The following PPP1R3F variants were observed in gnomAD, a reference collection of about 807,000 sequenced individuals.
The protein encoded by PPP1R3F is protein phosphatase 1, regulatory (inhibitor) subunit 3F.
Under a neutral mutation model 24.2 loss-of-function variants are expected in PPP1R3F, and 29 were observed. The ratio of observed to expected loss-of-function variants is 1.20; its 90% confidence interval spans 0.89 to 1.63. PPP1R3F has a LOEUF of 1.63. Ranked by LOEUF, PPP1R3F falls within the 40% of genes most tolerant of loss-of-function variation. PPP1R3F has a pLI of 0.00. For synonymous variants in PPP1R3F, 363 were observed against 340.1 expected (o/e 1.07, Z -0.74); for missense variants, 823 against 729.3 (o/e 1.13, Z -1.48).
rs1241792142 is a variant in PPP1R3F at position 49,286,772 on chromosome X, C to G, written c.2082C>G (p.Ala694=). ...SLDPISGKEP[A]SPVLLQGQNP... ...ATCCCATATCTGGCAAGGAGCCAGC[C>G]TCTCCCGTCCTTCTGCAGGGGCAAA... Residue 694 remains alanine, a synonymous_variant, in exon 4 of 4, where the codon GCC becomes GCG. Transcript: ENST00000055335. The G allele has an allele frequency of 2.5e-6, 3 of 1,200,510 alleles. No individual in the cohort carries two copies. The highest frequency in any genetic ancestry group is 3.4e-6 in the Non-Finnish European group (3 of 889,733).
chrX:49,269,946 C>A lies in PPP1R3F; in HGVS notation c.77C>A (p.Thr26Asn). The change falls in exon 1 of 4, where the codon ACC (threonine) becomes AAC (asparagine). Residue 26 changes from threonine (T) to asparagine (N), a missense_variant. Physicochemically the swap from Thr to Asn is moderately conservative, Grantham distance 65. Transcript: ENST00000055335. Reference protein sequence around the residue: ...PPSPAAGEPRTSVEAAVAPRR... With the variant: ...PPSPAAGEPRNSVEAAVAPRR... ...TCGCCGGCCGCGGGTGAGCCCCGCA[C>A]CTCGGTCGAGGCGGCGGTGGCCCCG... 1.1e-6 allele frequency: 1 copy of A among 906,929 alleles called. No homozygotes were observed. The highest frequency in any genetic ancestry group is 5.8e-5 in the South Asian group (1 of 17,316). 74.7% of individuals were successfully genotyped at this position (906,929 alleles called of 1,213,427 possible).
At chrX:49,277,208 C>T (rs782085643) in intron 1 of PPP1R3F, among the ~76,000 whole-genome samples, 8 of 112,896 alleles carry the variant, frequency 7.1e-5, no homozygotes, top group Middle Eastern at 4.6e-3. Flanking sequence ...TGGCCTAGGC[C>T]GGGGCCAACA....
chrX:49,271,184 TAGGGACAA>T lies in PPP1R3F; in HGVS notation c.1004+314_1004+321del, dbSNP rs2066177887. 9.9e-5 allele frequency among the ~76,000 whole-genome samples: 11 copies of T among 111,103 alleles called. No individual in the cohort carries two copies. In the South Asian group the frequency reaches 4.2e-3, roughly 42 times the overall value. On this transcript the variant is annotated intron_variant, in intron 1 of 3. Transcript: ENST00000055335. ...CAAGCAAGCAAGCAGATAGGATAAA[TAGGGACAA>T]AGTTAGCTGCTGAAGGGAGTAAGGG... is the stretch of plus-strand genomic sequence containing the variant.
chrX:49,287,003 C>G lies in PPP1R3F; in HGVS notation c.2313C>G (p.Ala771=). ...TGACCCAGACTCTGGGGGTCCTGGC[C>G]GGGCTAGTGGTGGTCCCTGTGGCTC... is the stretch of plus-strand genomic sequence containing the variant. The part of the protein sequence containing the change: ...GPLTQTLGVL[A]GLVVVPVALN... Residue 771 remains alanine, a synonymous_variant, in exon 4 of 4, where the codon GCC becomes GCG. Transcript: ENST00000055335. 8.3e-7 allele frequency: 1 copy of G among 1,211,780 alleles called. No homozygotes were observed. Among genetic ancestry groups the G allele is most frequent in the South Asian group, 1.8e-5 (1 of 56,992 alleles).
chrX:49,270,117 A>G lies in PPP1R3F; in HGVS notation c.248A>G (p.Asp83Gly), dbSNP rs2066162709. 1 of 1,040,037 alleles carries G rather than the reference A, an allele frequency of 9.6e-7. No individual in the cohort carries two copies. Among genetic ancestry groups the G allele is most frequent in the Non-Finnish European group, 1.2e-6 (1 of 815,278 alleles). 85.7% of individuals were successfully genotyped at this position (1,040,037 alleles called of 1,213,427 possible). A position where few individuals can be genotyped will look rare whatever the true frequency, so the allele number is the denominator to read the frequency against. ...GGCGGCGGCGGGGCCGACGAGGACG[A>G]CGATGGCGAGGATGGGGATGAAGGG... ...GGGGGGADED[D>G]DGEDGDEGEE... Residue 83 changes from aspartate (D) to glycine (G), a missense_variant, in exon 1 of 4, where the codon GAC (aspartate) becomes GGC (glycine). By Grantham distance (94) the Asp-to-Gly change is moderately conservative. Coordinates refer to ENST00000055335, the MANE Select transcript of PPP1R3F (RefSeq NM_033215.5).
In PPP1R3F at chrX:49,286,270, G is replaced by A. The variant is rs1557121498; in HGVS notation, c.1580G>A (p.Gly527Asp). Reference protein sequence around the residue: ...DGGMSPSHPLGILTDRDLILK... With the variant: ...DGGMSPSHPLDILTDRDLILK... ...GGGATGTCCCCCAGCCATCCCCTGGGCATACTGACGGACCGCGACCTGATC... is the reference window on the plus strand; with the variant it reads ...GGGATGTCCCCCAGCCATCCCCTGGACATACTGACGGACCGCGACCTGATC... The change falls in exon 4 of 4, where the codon GGC (glycine) becomes GAC (aspartate). Residue 527 changes from glycine (G) to aspartate (D), a missense_variant. By Grantham distance (94) the Gly-to-Asp change is moderately conservative. Coordinates refer to ENST00000055335, the MANE Select transcript of PPP1R3F (RefSeq NM_033215.5). 8.3e-7 allele frequency: 1 copy of A among 1,210,839 alleles called. No homozygotes were observed.
chrX:49,286,838 C>T lies in PPP1R3F; in HGVS notation c.2148C>T (p.Leu716=). 1 of 1,198,507 alleles carries T rather than the reference C, an allele frequency of 8.3e-7. No homozygotes were observed. The highest frequency in any genetic ancestry group is 1.1e-6 in the Non-Finnish European group (1 of 887,975). The part of the protein sequence containing the change: ...LLSPLGAEVC[L]SSVARPHVSS... ...GTCCCTTGGGGGCCGAAGTCTGTCT[C>T]TCTAGTGTAGCCAGGCCTCATGTGA... Residue 716 remains leucine (L), a synonymous_variant, in exon 4 of 4, where the codon CTC becomes CTT. Transcript: ENST00000055335.
chrX:49,285,765 T>G (rs2066277463), intron 3 of PPP1R3F, 69 bp from the exon 4 acceptor site: 3 of 1,039,783 alleles, frequency 2.9e-6, no homozygotes, highest in Non-Finnish European at 3.8e-6. Flanking sequence ...TGTCTCTGCT[T>G]GTTCCATCCC....
At chrX:49,300,998 A>T (rs2066335870) in intron 3 of PPP1R3F, among the ~76,000 whole-genome samples, 1 of 112,455 alleles carries the variant, frequency 8.9e-6, no homozygotes, top group Non-Finnish European at 1.9e-5. Context: ...ATTTTGAGAC[A>T]TGAGTTGATA....
chrX:49,287,062 T>C lies in PPP1R3F; in HGVS notation c.2372T>C (p.Leu791Pro). 1 of 1,211,369 alleles carries C rather than the reference T, an allele frequency of 8.3e-7. No individual in the cohort carries two copies. The highest frequency in any genetic ancestry group is 1.1e-6 in the Non-Finnish European group (1 of 895,618). Residue 791 changes from leucine (L) to proline (P), a missense_variant, in exon 4 of 4, where the codon CTG becomes CCG. By Grantham distance (98) the Leu-to-Pro change is moderately conservative. Transcript: ENST00000055335. ...GGTGTGTCCCTCCTGGTGCTTGCGCTGTGCCTCTCTCTGGCTTGGTTCTCA... is the reference window on the plus strand; with the variant it reads ...GGTGTGTCCCTCCTGGTGCTTGCGCCGTGCCTCTCTCTGGCTTGGTTCTCA... ...NSGVSLLVLA[L>P]CLSLAWFS
chrX:49,287,147 G>A lies in PPP1R3F; in HGVS notation c.*57G>A. 8.9e-7 allele frequency: 1 copy of A among 1,121,998 alleles called. No individual in the cohort carries two copies. Among genetic ancestry groups the A allele is most frequent in the Admixed American group, 2.3e-5 (1 of 42,982 alleles). The allele number at this position is 1,121,998 out of a possible 1,213,427, so 92.5% of individuals were successfully genotyped here. On this transcript the variant is annotated 3_prime_UTR_variant, in exon 4 of 4. Coordinates refer to ENST00000055335, the MANE Select transcript of PPP1R3F (RefSeq NM_033215.5). ...ATGGGATACATGGCCTGTGCAGTGA[G>A]GGGACCTGGGTCCTTTGCTTCTGAG... is the stretch of plus-strand genomic sequence containing the variant.
At position 49,286,142 on chromosome X, in the gene PPP1R3F, C is replaced by T. The variant is rs376062497; in HGVS notation, c.1452C>T (p.Ile484=). 3.5e-5 allele frequency: 41 copies of T among 1,176,281 alleles called. No individual in the cohort carries two copies. The highest frequency in any genetic ancestry group is 1.6e-4 in the African/African-American group (9 of 56,488). Residue 484 remains isoleucine (I), a synonymous_variant, in exon 4 of 4, where the codon ATC becomes ATT. Transcript: ENST00000055335. ...AGGAGCTGCTCGGTGAGGACACCAT[C>T]GACCAGGAGCTGGAGCAGCTCTACC... ...GSEELLGEDT[I]DQELEQLYLS... is the part of the protein sequence containing the mutation.
chrX:49,276,682 AGAAT>A (rs2066215439), intron 1 of PPP1R3F, among the ~76,000 whole-genome samples: 1 of 111,905 alleles, frequency 8.9e-6, no homozygotes, highest in Admixed American at 9.4e-5. Context: ...TCGTGGCCAA[AGAAT>A]GAAGTCATGG....
chrX:49,295,342 C>T (rs1428779165), intron 3 of PPP1R3F, among the ~76,000 whole-genome samples: 1 of 110,688 alleles, frequency 9.0e-6, no homozygotes, highest in Non-Finnish European at 1.9e-5. Flanking sequence ...TGGGGTTTCC[C>T]CATGTTGGCC....
In PPP1R3F at chrX:49,287,652, G is replaced by C. The variant is rs41513244; in HGVS notation, c.*562G>C. ...CTTCAACATGTCTTTCCTTGAAGATGTGTGTCTCCTCGTCTCGTGGTCCTA... is the reference window on the plus strand; with the variant it reads ...CTTCAACATGTCTTTCCTTGAAGATCTGTGTCTCCTCGTCTCGTGGTCCTA... On this transcript the variant is annotated 3_prime_UTR_variant, in exon 4 of 4. Coordinates refer to ENST00000055335, the MANE Select transcript of PPP1R3F (RefSeq NM_033215.5). 8,464 of 111,364 alleles carry C rather than the reference G, an allele frequency of 0.076. 838 individuals are homozygous for C. The highest frequency in any genetic ancestry group is 0.27 in the African/African-American group (8,005 of 29,964). The allele number at this position is 111,364 out of a possible 1,213,427, so 9.2% of individuals were successfully genotyped here. A position where few individuals can be genotyped will look rare whatever the true frequency, so the allele number is the denominator to read the frequency against.
chrX:49,284,793 G>A (rs781928461), intron 3 of PPP1R3F, among the ~76,000 whole-genome samples: 8 of 111,452 alleles, frequency 7.2e-5, no homozygotes, highest in African/African-American at 9.8e-5. Flanking sequence ...GATTACAGGC[G>A]TGAGCCACTG....
At chrX:49,297,460 C>T (rs1376252903) in intron 3 of PPP1R3F, among the ~76,000 whole-genome samples, 2 of 110,466 alleles carry the variant, frequency 1.8e-5, no homozygotes, top group African/African-American at 3.3e-5. Flanking sequence ...GTGATCCGCC[C>T]GCCTCGGCCT....
At chrX:49,275,087 C>G (rs1358301086) in intron 1 of PPP1R3F, 1 of 111,076 alleles carries the variant, frequency 9.0e-6, no homozygotes, top group Non-Finnish European at 1.9e-5. Flanking sequence ...TTCTCTCCCT[C>G]CTGCTTCTGG....
intron 2 of PPP1R3F, among the ~76,000 whole-genome samples, chrX:49,281,695 G>A (rs2066249996): frequency 9.2e-6 from 1 of 109,178 alleles, no homozygotes; most frequent in Admixed American, 9.7e-5. Context: ...GGGCATGCTG[G>A]CATGCATCCG....
Sources: gnomAD v4.1 joint callset for allele counts (sites outside exome capture counted in the v4.1 genomes callset) on GRCh38, gnomAD v4.1.1 for gene constraint, MANE v1.5 for transcripts, NCBI Gene and HGNC (gene_info 2026-07-23, HGNC 2026-07-21) for gene names.